SPATA17: variants seen among roughly 807,000 people sequenced by gnomAD.
SPATA17 encodes the protein spermatogenesis associated 17, also known as spermatogenesis-associated protein 17.
A neutral mutation model predicts 62.2 loss-of-function variants in SPATA17; 53 were observed. The ratio of observed to expected loss-of-function variants is 0.85; its 90% CI spans 0.68 to 1.07. The LOEUF (loss-of-function observed/expected upper bound fraction) is 1.07, where lower values mean the gene tolerates loss of function less well. Ranked by LOEUF, SPATA17 falls within the 50% of genes least tolerant of loss-of-function variation. SPATA17 has a pLI of 0.00. For missense variants in SPATA17, 466 were observed against 425.5 expected (o/e 1.10, Z -0.84); for synonymous variants, 146 against 146.8 (o/e 0.99, Z 0.04).
Position 217,839,565 on chromosome 1 carries a change from ACT to A in SPATA17, c.1006-23206_1006-23205del, listed in dbSNP as rs377397733. Among the ~76,000 whole-genome samples the A allele has an allele frequency of 3.5e-4, 53 of 152,014 alleles. 1 individual carries two copies. In the East Asian group the frequency reaches 5.0e-3, roughly 14 times the overall value. ...TACAGTCTCGGGACAGGACTTGCAA[ACT>A]CTAGTTTATAAAAAATATTTATTAT... On this transcript the variant is annotated intron_variant, in intron 9 of 10. Coordinates refer to ENST00000366933, the MANE Select transcript of SPATA17 (RefSeq NM_138796.4).
intron 3 of SPATA17, among the ~76,000 whole-genome samples, chr1:217,657,451 CT>C (rs1670469338): frequency 6.6e-6 from 1 of 152,168 alleles, no homozygotes; most frequent in Admixed American, 6.5e-5. Flanking sequence ...ACATGTAAAT[CT>C]TCTGAAGCAA....
intron 4 of SPATA17, among the ~76,000 whole-genome samples, chr1:217,674,681 C>A (rs765675354): frequency 1.3e-5 from 2 of 152,212 alleles, no homozygotes; most frequent in Non-Finnish European, 2.9e-5. Context: ...CTAATTAGTT[C>A]TTTTAGTTCT....
intron 6 of SPATA17, among the ~76,000 whole-genome samples, chr1:217,769,133 A>G (rs1571793354): frequency 6.6e-6 from 1 of 152,226 alleles, no homozygotes; most frequent in African/African-American, 2.4e-5. Flanking sequence ...AAAGATTGCT[A>G]AAGATATACA....
At chr1:217,662,852 T>C (rs1263677569) in intron 3 of SPATA17, among the ~76,000 whole-genome samples, 1 of 152,184 alleles carries the variant, frequency 6.6e-6, no homozygotes, top group South Asian at 2.1e-4. Flanking sequence ...TATTTTTCTT[T>C]ATAGGACTTC....
At chr1:217,753,341 G>T (rs1672960354) in intron 6 of SPATA17, among the ~76,000 whole-genome samples, 1 of 152,070 alleles carries the variant, frequency 6.6e-6, no homozygotes, top group Admixed American at 6.5e-5. Flanking sequence ...GTTTCAATGT[G>T]CTATACATAA....
chr1:217,701,009 C>G (rs1671583554), intron 5 of SPATA17, among the ~76,000 whole-genome samples: 1 of 152,006 alleles, frequency 6.6e-6, no homozygotes, highest in African/African-American at 2.4e-5. Flanking sequence ...GGTTCTTGCT[C>G]TGTCATCCAG....
chr1:217,704,736 T>G (rs796160938), intron 5 of SPATA17, among the ~76,000 whole-genome samples: 12 of 152,306 alleles, frequency 7.9e-5, no homozygotes, highest in African/African-American at 2.9e-4. Context: ...TGATCTCATT[T>G]TTTTTTTAAA....
chr1:217,841,391 A>C (rs1223484011), intron 9 of SPATA17, among the ~76,000 whole-genome samples: 1 of 152,004 alleles, frequency 6.6e-6, no homozygotes, highest in Non-Finnish European at 1.5e-5. Context: ...CACAGTTTGA[A>C]TTATGAAACA....
intron 8 of SPATA17, among the ~76,000 whole-genome samples, chr1:217,786,766 T>TTCTTCTTCC (rs1558050832): frequency 1.1e-5 from 1 of 90,482 alleles, no homozygotes; most frequent in East Asian, 4.7e-4. Context: ...CTTCTTCTTC[T>TTCTTCTTCC]TCTTCTTCTT....
chr1:217,851,532 T>C (rs1285392648), intron 9 of SPATA17, among the ~76,000 whole-genome samples: 1 of 152,212 alleles, frequency 6.6e-6, no homozygotes, highest in African/African-American at 2.4e-5. Context: ...GACATTTTTA[T>C]AGCTTGACAA....
rs1285806657 is a variant in SPATA17, at chr1:217,749,975, C to CTATA, written c.519+7878_519+7879insATAT. Among the ~76,000 whole-genome samples the CTATA allele has an allele frequency of 3.4e-3, 134 of 39,292 alleles. 1 individual carries two copies. The highest frequency in any genetic ancestry group is 6.1e-3 in the South Asian group (9 of 1,470). The allele number at this position is 39,292 out of a possible 152,430, so 25.8% of individuals were successfully genotyped here. On this transcript the variant is annotated intron_variant, in intron 6 of 10. Transcript: ENST00000366933. ...TCTCTCTCTCTCTCTCTCTCTCTCTCTCTCTCTCTCTATATATATATATAT... is the reference window on the plus strand; with the variant it reads ...TCTCTCTCTCTCTCTCTCTCTCTCTCTATATCTCTCTCTCTATATATATATATAT...
At chr1:217,682,515 T>C (rs1183188246) in intron 4 of SPATA17, among the ~76,000 whole-genome samples, 1 of 152,214 alleles carries the variant, frequency 6.6e-6, no homozygotes, top group Non-Finnish European at 1.5e-5. Flanking sequence ...TTCCCAGTTC[T>C]ATATTGCAAT....
At chr1:217,782,019 T>A (rs1673738992) in intron 7 of SPATA17, 155 bp from the exon 8 acceptor site, 1 of 558,928 alleles carries the variant, frequency 1.8e-6, no homozygotes, top group Admixed American at 4.2e-5. Context: ...AGTGATATTA[T>A]GTCATGCATA....
chr1:217,643,021 G>T lies in SPATA17; in HGVS notation c.69-5861G>T, dbSNP rs73107314. 8.1e-3 allele frequency among the ~76,000 whole-genome samples: 1,226 copies of T among 152,220 alleles called. 14 individuals are homozygous for T. The highest frequency in any genetic ancestry group is 0.022 in the African/African-American group (920 of 41,510). ...ATGTTGCTGCTCTCTGGACCTCTCAGTGGAAAGAACAAAGGAATATGTGTT... is the reference window on the plus strand; with the variant it reads ...ATGTTGCTGCTCTCTGGACCTCTCATTGGAAAGAACAAAGGAATATGTGTT... On this transcript the variant is annotated intron_variant, in intron 1 of 10. Coordinates refer to ENST00000366933, the MANE Select transcript of SPATA17 (RefSeq NM_138796.4).
rs753214533 is a variant in SPATA17 at position 217,651,141 on chromosome 1, G to A, written c.203G>A (p.Ser68Asn). Residue 68 changes from serine to asparagine, a missense_variant, in exon 3 of 11, where the codon AGT becomes AAT. Ser to Asn is a conservative substitution (Grantham distance 46). Transcript: ENST00000366933. The part of the protein sequence containing the change: ...IVTIIQKWWR[S>N]FLGRKQYQLT... Reference sequence around the variant, plus strand: ...ACAATTATTCAAAAATGGTGGAGAAGTTTCTTAGGCAGAAAGCAATATCAA... The same window carrying A: ...ACAATTATTCAAAAATGGTGGAGAAATTTCTTAGGCAGAAAGCAATATCAA... 1 of 1,609,870 alleles carries A rather than the reference G, an allele frequency of 6.2e-7. No individual in the cohort carries two copies. Among genetic ancestry groups the A allele is most frequent in the Admixed American group, 1.7e-5 (1 of 58,804 alleles).
chr1:217,663,967 C>G (rs1449721767), intron 3 of SPATA17, among the ~76,000 whole-genome samples: 1 of 151,704 alleles, frequency 6.6e-6, no homozygotes, highest in Non-Finnish European at 1.5e-5. Context: ...GATTTTAAAA[C>G]TGAGGAAAAG....
intron 5 of SPATA17, among the ~76,000 whole-genome samples, chr1:217,694,427 G>T (rs913191846): frequency 1.4e-5 from 2 of 144,758 alleles, no homozygotes; most frequent in South Asian, 4.5e-4. Context: ...GCACACTGAT[G>T]GGTCTTGACT....
chr1:217,793,228 T>G (rs554626524), intron 8 of SPATA17, among the ~76,000 whole-genome samples: 5,055 of 145,960 alleles, frequency 0.035, 145 homozygotes, highest in Middle Eastern at 0.066. Flanking sequence ...TTTGTTTTTT[T>G]TTTTTTTTTT....
chr1:217,724,839 TA>T (rs1387263093), intron 5 of SPATA17, among the ~76,000 whole-genome samples: 1 of 152,120 alleles, frequency 6.6e-6, no homozygotes, highest in Non-Finnish European at 1.5e-5. Flanking sequence ...CTAATTAGTT[TA>T]TTTTTTTTCC....
Sources: gnomAD v4.1 joint callset for allele counts (sites outside exome capture counted in the v4.1 genomes callset) on GRCh38, gnomAD v4.1.1 for gene constraint, MANE v1.5 for transcripts, NCBI Gene and HGNC (gene_info 2026-07-23, HGNC 2026-07-21) for gene names.